Variants in HCFC2 observed in about 807,000 individuals in gnomAD.
HCFC2 encodes host cell factor C2.
A neutral mutation model predicts 89.2 loss-of-function variants in HCFC2; 18 were observed. The observed-to-expected ratio is 0.20, with a 90% CI of 0.14 to 0.30. The LOEUF is 0.30. Ranked by LOEUF, HCFC2 falls within the 10% of genes least tolerant of loss-of-function variation. HCFC2 has a pLI of 1.00. For synonymous variants in HCFC2, 308 were observed against 335.7 expected (o/e 0.92, Z 0.90); for missense variants, 578 against 956.1 (o/e 0.60, Z 5.21).
At chr12:104,099,516 G>A (rs1045125207) in intron 13 of HCFC2, among the ~76,000 whole-genome samples, 14 of 152,168 alleles carry the variant, frequency 9.2e-5, no homozygotes, top group Admixed American at 8.5e-4. Flanking sequence ...CAGGAGGATT[G>A]CTTGAGCCCA....
rs760440803 is a variant in HCFC2, at chr12:104,102,981, C to T, written c.2087C>T (p.Ser696Phe). The T allele has an allele frequency of 2.0e-5, 32 of 1,599,554 alleles. No homozygotes were observed. The highest frequency in any genetic ancestry group is 2.5e-5 in the Non-Finnish European group (29 of 1,171,578). The change falls in exon 15 of 15, where the codon TCC becomes TTC. Residue 696 changes from serine to phenylalanine, a missense_variant. Ser to Phe is a radical substitution (Grantham distance 155, BLOSUM62 -2). Coordinates refer to ENST00000229330, the MANE Select transcript of HCFC2 (RefSeq NM_013320.3). ...ISKNVEGIHL[S>F]WEPPTSPSGN... ...AAGAATGTTGAAGGTATCCACCTTT[C>T]CTGGGAACCTCCAACCTCACCTTCT...
At chr12:104,079,694 A>T (rs775878815) in intron 4 of HCFC2, 41 bp downstream of exon 4, 1 of 1,451,598 alleles carries the variant, frequency 6.9e-7, no homozygotes, top group Non-Finnish European at 9.6e-7. Context: ...AGGGCAAATT[A>T]AAAAATGCTT....
intron 13 of HCFC2, among the ~76,000 whole-genome samples, chr12:104,099,135 G>A (rs1004078422): frequency 1.3e-5 from 2 of 152,168 alleles, no homozygotes. Context: ...GAAGGTGAAG[G>A]GAAAGCAGGC....
chr12:104,092,468 T>A (rs1399047012), intron 9 of HCFC2, among the ~76,000 whole-genome samples: 2 of 150,390 alleles, frequency 1.3e-5, no homozygotes, highest in Admixed American at 6.6e-5. Context: ...TCAAAAAAAA[T>A]AAAAATAAAA....
intron 3 of HCFC2, among the ~76,000 whole-genome samples, chr12:104,077,257 T>G (rs1402225154): frequency 6.6e-6 from 1 of 152,066 alleles, no homozygotes; most frequent in Non-Finnish European, 1.5e-5. Context: ...TTTGTTTTTT[T>G]TTTGAGACGG....
At chr12:104,069,125 G>A (rs1386872471) in intron 3 of HCFC2, among the ~76,000 whole-genome samples, 1 of 152,002 alleles carries the variant, frequency 6.6e-6, no homozygotes, top group Non-Finnish European at 1.5e-5. Flanking sequence ...GGGCAACATG[G>A]CAAAACCCCA....
intron 4 of HCFC2, 58 bp downstream of exon 4, chr12:104,079,711 A>G (rs1193493194): frequency 7.9e-7 from 1 of 1,264,480 alleles, no homozygotes; most frequent in Non-Finnish European, 1.2e-6. Context: ...GCTTTGAAAA[A>G]TATTATTGAT....
chr12:104,102,939 T>G lies in HCFC2; in HGVS notation c.2065-20T>G, dbSNP rs376908820. The G allele has an allele frequency of 5.7e-6, 9 of 1,586,550 alleles. No homozygotes were observed. Among genetic ancestry groups the G allele is most frequent in the Non-Finnish European group, 7.7e-6 (9 of 1,162,992 alleles). ...GGAAACTTAAGAACCTTTAACCTGT[T>G]TTTTCCCCCCCCCTTCAAGAATGTT... On this transcript the variant is annotated intron_variant, in intron 14 of 14. Transcript: ENST00000229330.
rs900365262 is a variant in HCFC2 at position 104,098,581 on chromosome 12, G to T, written c.1878+101G>T. 4 of 1,243,720 alleles carry T rather than the reference G, an allele frequency of 3.2e-6. No homozygotes were observed. In the South Asian group the frequency reaches 6.4e-5, roughly 20 times the overall value. 77.0% of individuals were successfully genotyped at this position (1,243,720 alleles called of 1,614,324 possible). On this transcript the variant is annotated intron_variant, in intron 13 of 14. Transcript: ENST00000229330. ...GAAAGGAAAAAAAAATTAAGAATGA[G>T]ATTTCTTTTTTAGAACCCTGATTCA... is the stretch of plus-strand genomic sequence containing the variant.
chr12:104,072,943 C>T (rs1217691810), intron 3 of HCFC2, among the ~76,000 whole-genome samples: 1 of 151,746 alleles, frequency 6.6e-6, no homozygotes, highest in African/African-American at 2.4e-5. Flanking sequence ...CGCACCCGGC[C>T]GATTTGGTTT....
Position 104,093,936 on chromosome 12 carries a change from A to G in HCFC2, c.1462+373A>G, listed in dbSNP as rs1056572442. On this transcript the variant is annotated intron_variant, in intron 10 of 14. Coordinates refer to ENST00000229330, the MANE Select transcript of HCFC2 (RefSeq NM_013320.3). The stretch of plus-strand genomic sequence containing the variant: ...ACACAGAGACTAAAGCAGTGGCTGA[A>G]ATGGAGAGGCGAGAATTCATCATTT... Among the ~76,000 whole-genome samples the G allele has an allele frequency of 2.0e-5, 3 of 152,166 alleles. No homozygotes were observed. The South Asian group carries it at 6.2e-4, about 32-fold the overall frequency.
intron 2 of HCFC2, 106 bp from the exon 3 acceptor site, chr12:104,067,841 T>C: frequency 1.8e-6 from 2 of 1,113,370 alleles, no homozygotes; most frequent in Non-Finnish European, 2.4e-6. Context: ...TAGTGCCTTC[T>C]GATGGGATTT....
At chr12:104,097,728 A>T (rs1413109413) in intron 12 of HCFC2, 1 of 675,788 alleles carries the variant, frequency 1.5e-6, no homozygotes, top group Non-Finnish European at 1.8e-6. Context: ...ACTTACCACT[A>T]AAAGTAGCTT....
intron 12 of HCFC2, among the ~76,000 whole-genome samples, chr12:104,097,872 G>A (rs144473250): frequency 6.6e-6 from 1 of 152,212 alleles, no homozygotes; most frequent in East Asian, 1.9e-4. Context: ...TTTTAGGTTT[G>A]GAGAATCACA....
chr12:104,072,344 C>A (rs1037592056), intron 3 of HCFC2, among the ~76,000 whole-genome samples: 3 of 150,390 alleles, frequency 2.0e-5, no homozygotes, highest in Non-Finnish European at 4.4e-5. Context: ...TGCATTCCAG[C>A]CAGGGCAACA....
intron 12 of HCFC2, among the ~76,000 whole-genome samples, chr12:104,097,136 TTTG>T (rs1343296368): frequency 1.3e-5 from 2 of 152,218 alleles, no homozygotes; most frequent in Non-Finnish European, 1.5e-5. Context: ...GAGGTTTTTT[TTTG>T]TTATTAGTCA....
At chr12:104,087,447 G>A (rs1408391511) in intron 8 of HCFC2, among the ~76,000 whole-genome samples, 3 of 86,988 alleles carry the variant, frequency 3.4e-5, no homozygotes, top group African/African-American at 8.4e-5. Flanking sequence ...GTGTGTATGT[G>A]TGTGTGTATA....
At position 104,086,902 on chromosome 12, in the gene HCFC2, T is replaced by C; in HGVS notation, c.1119T>C (p.Phe373=). ...VQLIKATTNS[F]HVKWDEVSTV... ...TGATCAAAGCCACTACCAACTCCTT[T>C]CATGTCAAGTGGGATGAAGTGTCTA... The change falls in exon 8 of 15, where the codon TTT becomes TTC. Residue 373 remains phenylalanine (F), a synonymous_variant. Transcript: ENST00000229330. 6.2e-7 allele frequency: 1 copy of C among 1,613,962 alleles called. No homozygotes were observed. The highest frequency in any genetic ancestry group is 8.5e-7 in the Non-Finnish European group (1 of 1,179,906).
Position 104,066,057 on chromosome 12 carries a change from G to A in HCFC2, c.164-110G>A. On this transcript the variant is annotated intron_variant, in intron 1 of 14. Transcript: ENST00000229330. ...GACATTACCAAATGTCTTCTGGGGGGCAGAATCATCCCCAGTTGAGACCCA... is the reference window on the plus strand; with the variant it reads ...GACATTACCAAATGTCTTCTGGGGGACAGAATCATCCCCAGTTGAGACCCA... 2.9e-6 allele frequency: 3 copies of A among 1,045,068 alleles called. No homozygotes were observed. The Admixed American group carries it at 6.7e-5, about 23-fold the overall frequency. The allele number at this position is 1,045,068 out of a possible 1,614,324, so 64.7% of individuals were successfully genotyped here. A position where few individuals can be genotyped will look rare whatever the true frequency, so the allele number is the denominator to read the frequency against.
Sources: allele counts gnomAD v4.1 joint callset (sites outside exome capture counted in the v4.1 genomes callset), GRCh38; gene constraint gnomAD v4.1.1; transcripts MANE v1.5; gene names NCBI Gene and HGNC (gene_info 2026-07-23, HGNC 2026-07-21).